CAPZB: variants seen among roughly 807,000 people sequenced by gnomAD.
CAPZB encodes capping actin protein of muscle Z-line subunit beta.
A neutral mutation model predicts 38.1 loss-of-function variants in CAPZB; 2 were observed. The ratio of observed to expected loss-of-function variants is 0.05; its 90% CI spans 0.02 to 0.17. The LOEUF (loss-of-function observed/expected upper bound fraction) is 0.17, where lower values mean the gene tolerates loss of function less well. CAPZB is among the 10% of genes least tolerant of loss of function. The probability of loss-of-function intolerance (pLI) is 1.00; values close to 1 mark genes in which losing one functional copy is unlikely to be tolerated. For synonymous variants in CAPZB, 107 were observed against 127.4 expected (o/e 0.84, Z 1.08); for missense variants, 161 against 334.2 (o/e 0.48, Z 4.04).
intron 1 of CAPZB, among the ~76,000 whole-genome samples, chr1:19,468,597 C>A (rs1484306607): frequency 1.3e-5 from 2 of 152,144 alleles, no homozygotes; most frequent in Non-Finnish European, 2.9e-5. Flanking sequence ...CAGGGCAGGG[C>A]AGGAGAGTGT....
intron 6 of CAPZB, among the ~76,000 whole-genome samples, chr1:19,348,854 T>C (rs2093976881): frequency 6.6e-6 from 1 of 151,974 alleles, no homozygotes; most frequent in Non-Finnish European, 1.5e-5. Flanking sequence ...CATCTGGTTC[T>C]GGCAAGGCTG....
chr1:19,346,817 C>CTTTTTTTTT (rs34733600), intron 6 of CAPZB, among the ~76,000 whole-genome samples: 3 of 84,100 alleles, frequency 3.6e-5, no homozygotes, highest in African/African-American at 8.9e-5. Flanking sequence ...CGACTTTTGT[C>CTTTTTTTTT]TTTTTTTTTT....
chr1:19,451,432 T>C (rs1279559441), intron 1 of CAPZB, among the ~76,000 whole-genome samples: 2 of 152,162 alleles, frequency 1.3e-5, no homozygotes, highest in African/African-American at 4.8e-5. Flanking sequence ...ACATATGATG[T>C]GCTCTTTATT....
chr1:19,441,003 T>G (rs1415097093), intron 1 of CAPZB, among the ~76,000 whole-genome samples: 1 of 152,086 alleles, frequency 6.6e-6, no homozygotes, highest in Non-Finnish European at 1.5e-5. Context: ...GAGCTTGCAG[T>G]GAGCTGAGAT....
At chr1:19,374,544 T>A (rs1037714849) in intron 4 of CAPZB, 1 of 152,302 alleles carries the variant, frequency 6.6e-6, no homozygotes, top group Non-Finnish European at 1.5e-5. Flanking sequence ...TAGCTTGAAG[T>A]GTGTGGTCTG....
intron 1 of CAPZB, among the ~76,000 whole-genome samples, chr1:19,445,155 G>A (rs1451146986): frequency 6.6e-6 from 1 of 152,114 alleles, no homozygotes; most frequent in Non-Finnish European, 1.5e-5. Context: ...AGTAAATTAA[G>A]GTACAACTGT....
In CAPZB at chr1:19,357,609, T is replaced by G. The variant is rs41264087; in HGVS notation, c.330-46A>C. The G allele has an allele frequency of 7.0e-4, 1,119 of 1,605,872 alleles. 4 individuals carry two copies. In the African/African-American group the frequency reaches 0.013, roughly 18 times the overall value. On this transcript the variant is annotated intron_variant, in intron 4 of 8. Transcript: ENST00000264202. This position sits in a 1 kb window ranked among gnomAD's most constrained non-coding sequence, Gnocchi z 4.3. ...TGCCTGTTAGATGCTAAAGGACAGATCATCAGCCTGGGTCCCAGGCTGCTG... is the reference window on the plus strand; with the variant it reads ...TGCCTGTTAGATGCTAAAGGACAGAGCATCAGCCTGGGTCCCAGGCTGCTG...
At chr1:19,369,047 C>A (rs1300699841) in intron 4 of CAPZB, among the ~76,000 whole-genome samples, 6 of 152,198 alleles carry the variant, frequency 3.9e-5, no homozygotes, top group Non-Finnish European at 7.3e-5. Flanking sequence ...CCCAAGAATT[C>A]TAGAGGCATC....
chr1:19,476,476 T>C (rs2094607322), intron 1 of CAPZB, among the ~76,000 whole-genome samples: 1 of 152,200 alleles, frequency 6.6e-6, no homozygotes, highest in Admixed American at 6.5e-5. Flanking sequence ...TCTTACACTG[T>C]ATATGGTGAC....
intron 1 of CAPZB, among the ~76,000 whole-genome samples, chr1:19,421,957 G>A (rs1010955194): frequency 1.3e-5 from 2 of 151,420 alleles, no homozygotes; most frequent in Non-Finnish European, 2.9e-5. Flanking sequence ...CAACCTCCCC[G>A]CCCCTCAACC....
intron 2 of CAPZB, among the ~76,000 whole-genome samples, chr1:19,403,262 T>G (rs1416002499): frequency 7.3e-5 from 11 of 151,642 alleles, no homozygotes; most frequent in Admixed American, 5.9e-4. Context: ...GATACAAAGG[T>G]GAACAAAAGA....
In CAPZB at chr1:19,345,263, CAG is replaced by C. The variant is rs2093954185; in HGVS notation, c.589-13_589-12del. On this transcript the variant is annotated splice_polypyrimidine_tract_variant and intron_variant, in intron 6 of 8. Coordinates refer to ENST00000264202, the MANE Select transcript of CAPZB (RefSeq NM_004930.5). ...TTCATCCTTCTCCATCTGCAAAAGA[CAG>C]AAACATTCCAAGTCAGAGAAAGCCA... is the stretch of plus-strand genomic sequence containing the variant. 2.5e-6 allele frequency: 4 copies of C among 1,609,718 alleles called. No homozygotes were observed. The highest frequency in any genetic ancestry group is 1.7e-5 in the Admixed American group (1 of 59,988).
At chr1:19,458,390 G>A (rs897148697) in intron 1 of CAPZB, among the ~76,000 whole-genome samples, 5 of 152,204 alleles carry the variant, frequency 3.3e-5, no homozygotes, top group Non-Finnish European at 5.9e-5. Context: ...TTTCACTCCT[G>A]TTGCCCAGGC....
chr1:19,381,999 T>C (rs572634277), intron 3 of CAPZB, among the ~76,000 whole-genome samples: 35 of 152,210 alleles, frequency 2.3e-4, no homozygotes, highest in African/African-American at 6.7e-4. Flanking sequence ...CTCCTTCCCC[T>C]GGGTGGCCCT....
chr1:19,346,946 C>T (rs1248060226), intron 6 of CAPZB, among the ~76,000 whole-genome samples: 2 of 151,562 alleles, frequency 1.3e-5, no homozygotes, highest in Admixed American at 1.3e-4. Context: ...GCCTCAGCCT[C>T]CCCAGTAGCT....
At chr1:19,426,443 CG>C (rs72362646) in intron 1 of CAPZB, among the ~76,000 whole-genome samples, 10 of 148,142 alleles carry the variant, frequency 6.8e-5, no homozygotes, top group East Asian at 4.0e-4. Flanking sequence ...TGTGGTGGGG[CG>C]GGGGGGGGCT....
intron 2 of CAPZB, among the ~76,000 whole-genome samples, chr1:19,404,787 G>A (rs12561981): frequency 0.32 from 48,680 of 151,968 alleles, 7,885 homozygotes; most frequent in Middle Eastern, 0.39. Context: ...GATTCCAGCC[G>A]CTCCTGTCAG....
intron 1 of CAPZB, among the ~76,000 whole-genome samples, chr1:19,451,155 C>T (rs1303494725): frequency 6.6e-6 from 1 of 152,202 alleles, no homozygotes; most frequent in Admixed American, 6.5e-5. Flanking sequence ...CCAGCTGTTG[C>T]TATTTCGCAT....
chr1:19,457,359 G>C (rs1190604194), intron 1 of CAPZB, among the ~76,000 whole-genome samples: 1 of 152,154 alleles, frequency 6.6e-6, no homozygotes, highest in Non-Finnish European at 1.5e-5. Context: ...TTCCGGGCTT[G>C]ATCGCACTAA....
Sources: gnomAD v4.1 joint callset for allele counts (sites outside exome capture counted in the v4.1 genomes callset) on GRCh38, gnomAD v4.1.1 for gene constraint, Gnocchi (gnomAD v3.1) non-coding constraint, MANE v1.5 for transcripts, NCBI Gene and HGNC (gene_info 2026-07-23, HGNC 2026-07-21) for gene names.